Variants in CSMD1 observed in about 807,000 individuals in gnomAD.
CSMD1 encodes the protein CUB and sushi domain-containing protein 1.
A neutral mutation model predicts 417.5 loss-of-function variants in CSMD1; 213 were observed. The ratio of observed to expected loss-of-function variants is 0.51; its 90% confidence interval spans 0.46 to 0.57. The LOEUF (loss-of-function observed/expected upper bound fraction) is 0.57, where lower values mean the gene tolerates loss of function less well. Ranked by LOEUF, CSMD1 falls within the 20% of genes least tolerant of loss-of-function variation. The probability of loss-of-function intolerance (pLI) is 0.00; values close to 1 mark genes in which losing one functional copy is unlikely to be tolerated. For missense variants in CSMD1, 6,923 were observed against 4,529.7 expected, an observed-to-expected ratio of 1.53 and a Z score of -15.17; for synonymous variants, 2,862 against 1,736.8, an observed-to-expected ratio of 1.65 and a Z score of -16.11.
intron 10 of CSMD1, among the ~76,000 whole-genome samples, chr8:3,536,507 C>G (rs1798205984): frequency 6.6e-6 from 1 of 152,152 alleles, no homozygotes; most frequent in South Asian, 2.1e-4. Flanking sequence ...TTTTTCCTCT[C>G]CAGGGTATCT....
At chr8:3,468,631 T>C in intron 12 of CSMD1, 81 bp downstream of exon 12, 1 of 808,872 alleles carries the variant, frequency 1.2e-6, no homozygotes, top group Middle Eastern at 2.3e-4. Flanking sequence ...TGATTTTACT[T>C]CTACCTAACC....
chr8:4,328,059 C>G (rs1245097905), intron 3 of CSMD1, among the ~76,000 whole-genome samples: 1 of 152,102 alleles, frequency 6.6e-6, no homozygotes, highest in Admixed American at 6.5e-5. Flanking sequence ...AAGTACTAAG[C>G]TCTGCACTCC....
chr8:4,682,394 C>G (rs530911340), intron 1 of CSMD1, among the ~76,000 whole-genome samples: 1 of 151,892 alleles, frequency 6.6e-6, no homozygotes, highest in Non-Finnish European at 1.5e-5. Flanking sequence ...GTATCTGTGT[C>G]CTCAGGTATG....
intron 1 of CSMD1, among the ~76,000 whole-genome samples, chr8:4,974,786 G>A (rs894092186): frequency 3.3e-5 from 5 of 152,088 alleles, no homozygotes; most frequent in African/African-American, 1.2e-4. Context: ...ATCTTTGTCA[G>A]GAAAATATGG....
chr8:4,756,400 G>T (rs556320681), intron 1 of CSMD1, among the ~76,000 whole-genome samples: 6 of 152,242 alleles, frequency 3.9e-5, no homozygotes, highest in African/African-American at 1.4e-4. Context: ...ACCCGACCAA[G>T]TTGAAGAACA....
chr8:3,040,804 AAATAAT>A (rs146606667), intron 50 of CSMD1, among the ~76,000 whole-genome samples: 6,020 of 152,190 alleles, frequency 0.04, 400 homozygotes, highest in African/African-American at 0.13. Flanking sequence ...CTCCAGCTCA[AAATAAT>A]AATAATAAGA....
chr8:3,226,291 A>C (rs1798498524), intron 27 of CSMD1, among the ~76,000 whole-genome samples: 2 of 152,260 alleles, frequency 1.3e-5, no homozygotes, highest in Non-Finnish European at 2.9e-5. Context: ...ACTCGGAATA[A>C]GGAAGTTGAA....
At chr8:3,905,919 A>G (rs186223263) in intron 5 of CSMD1, among the ~76,000 whole-genome samples, 33 of 152,274 alleles carry the variant, frequency 2.2e-4, no homozygotes, top group South Asian at 1.0e-3. Flanking sequence ...CAATGGGCCA[A>G]TTTATAACCA....
At chr8:4,573,550 G>A (rs971376283) in intron 2 of CSMD1, among the ~76,000 whole-genome samples, 9 of 152,138 alleles carry the variant, frequency 5.9e-5, no homozygotes, top group African/African-American at 2.2e-4. Flanking sequence ...TGTATGAGAT[G>A]TCTGTTGATC....
intron 1 of CSMD1, among the ~76,000 whole-genome samples, chr8:4,774,966 C>T (rs1045310311): frequency 6.6e-6 from 1 of 152,084 alleles, no homozygotes; most frequent in African/African-American, 2.4e-5. Flanking sequence ...AAATTAAACC[C>T]CTTTTGTTTA....
chr8:4,430,905 G>A (rs141438945), intron 2 of CSMD1, among the ~76,000 whole-genome samples: 1 of 152,172 alleles, frequency 6.6e-6, no homozygotes, highest in African/African-American at 2.4e-5. Context: ...TGAATGGTAA[G>A]GATCCATAAA....
intron 3 of CSMD1, among the ~76,000 whole-genome samples, chr8:4,236,927 A>C (rs999973183): frequency 2.0e-5 from 3 of 152,242 alleles, no homozygotes; most frequent in Admixed American, 1.3e-4. Flanking sequence ...AATTGTAATC[A>C]GAAACAAGTT....
chr8:4,745,355 T>C (rs977971708), intron 1 of CSMD1, among the ~76,000 whole-genome samples: 6 of 152,174 alleles, frequency 3.9e-5, no homozygotes, highest in Admixed American at 6.5e-5. Flanking sequence ...ACAGTTTAGT[T>C]ACAAATGATT....
At chr8:4,295,185 AGAT>A (rs1797595419) in intron 3 of CSMD1, among the ~76,000 whole-genome samples, 3 of 141,234 alleles carry the variant, frequency 2.1e-5, no homozygotes, top group Non-Finnish European at 4.6e-5. Flanking sequence ...TATAATCTTA[AGAT>A]TATGCACATA....
At chr8:3,270,092 C>G (rs1563207675) in intron 26 of CSMD1, among the ~76,000 whole-genome samples, 2 of 133,696 alleles carry the variant, frequency 1.5e-5, no homozygotes, top group Non-Finnish European at 3.1e-5. Flanking sequence ...CTCTGTTGCC[C>G]AGGGCGAAGT....
At chr8:4,421,250 A>T (rs73658876) in intron 2 of CSMD1, among the ~76,000 whole-genome samples, 2 of 152,174 alleles carry the variant, frequency 1.3e-5, no homozygotes, top group African/African-American at 4.8e-5. Context: ...AAGGAAAAAC[A>T]AAAAACAAAA....
chr8:4,487,080 T>C (rs1563224994), intron 2 of CSMD1, among the ~76,000 whole-genome samples: 1 of 152,164 alleles, frequency 6.6e-6, no homozygotes, highest in Non-Finnish European at 1.5e-5. Context: ...GAGAATTTTT[T>C]TTCTTTTTGC....
chr8:3,186,803 T>A (rs1198717338), intron 36 of CSMD1, among the ~76,000 whole-genome samples: 1 of 152,242 alleles, frequency 6.6e-6, no homozygotes, highest in African/African-American at 2.4e-5. Context: ...CAGTACTTTT[T>A]CTGTCATCTT....
intron 10 of CSMD1, among the ~76,000 whole-genome samples, chr8:3,510,180 A>G (rs1370010440): frequency 6.7e-6 from 1 of 149,796 alleles, no homozygotes; most frequent in Non-Finnish European, 1.5e-5. Context: ...TGAGGCAAGT[A>G]GGGTGTGCTG....
Sources: gnomAD v4.1 joint callset for allele counts (sites outside exome capture counted in the v4.1 genomes callset) on GRCh38, gnomAD v4.1.1 for gene constraint, MANE v1.5 for transcripts, NCBI Gene and HGNC (gene_info 2026-07-23, HGNC 2026-07-21) for gene names.